The following PARP14 variants were observed in gnomAD, a reference collection of about 807,000 sequenced individuals.
PARP14 encodes the protein protein mono-ADP-ribosyltransferase PARP14.
A neutral mutation model predicts 154.2 loss-of-function variants in PARP14; 59 were observed. The ratio of observed to expected loss-of-function variants is 0.38; its 90% CI spans 0.31 to 0.48. The LOEUF (loss-of-function observed/expected upper bound fraction) is 0.48. PARP14 is among the 20% of genes least tolerant of loss of function. PARP14 has a pLI of 0.98. For missense variants in PARP14, 1,734 were observed against 2,131.6 expected, an observed-to-expected ratio of 0.81 and a Z score of 3.67; for synonymous variants, 720 against 780.5, an observed-to-expected ratio of 0.92 and a Z score of 1.29.
At chr3:122,709,820 T>C (rs1237434853) in intron 9 of PARP14, among the ~76,000 whole-genome samples, 3 of 152,224 alleles carry the variant, frequency 2.0e-5, no homozygotes, top group Admixed American at 2.0e-4. Flanking sequence ...CTTATGTTTG[T>C]TGGCTGTTTG....
chr3:122,681,309 C>T lies in PARP14; in HGVS notation c.187+239C>T, dbSNP rs774149055. Reference sequence around the variant, plus strand: ...TAATGGCGCGGCCCGGAGGTGGCGGCGGAACCGCGCAAGTAACTCTTTATC... The same window carrying T: ...TAATGGCGCGGCCCGGAGGTGGCGGTGGAACCGCGCAAGTAACTCTTTATC... On this transcript the variant is annotated intron_variant, in intron 1 of 16. Coordinates refer to ENST00000474629, the MANE Select transcript of PARP14 (RefSeq NM_017554.3). This position sits in a 1 kb window ranked among gnomAD's most constrained non-coding sequence, Gnocchi z 5.5. 5.3e-5 allele frequency among the ~76,000 whole-genome samples: 8 copies of T among 152,226 alleles called. No individual in the cohort carries two copies. Among genetic ancestry groups the T allele is most frequent in the Non-Finnish European group, 1.0e-4 (7 of 68,032 alleles).
intron 9 of PARP14, among the ~76,000 whole-genome samples, chr3:122,710,445 T>G (rs1939288134): frequency 1.3e-5 from 2 of 152,196 alleles, no homozygotes; most frequent in African/African-American, 4.8e-5. Context: ...TACCTTGCTG[T>G]TTTGGTAACT....
At chr3:122,682,839 TGAG>T (rs941522619) in intron 1 of PARP14, among the ~76,000 whole-genome samples, 5 of 152,030 alleles carry the variant, frequency 3.3e-5, no homozygotes, top group Non-Finnish European at 5.9e-5. Flanking sequence ...GATGACGAGT[TGAG>T]GAGATCGAGA....
chr3:122,686,835 T>G, intron 2 of PARP14: 1 of 465,748 alleles, frequency 2.1e-6, no homozygotes, highest in East Asian at 3.6e-5. Flanking sequence ...GTACCTCATA[T>G]TCCCAAATGC....
At position 122,718,209 on chromosome 3, in the gene PARP14, A is replaced by C. The variant is rs748915037; in HGVS notation, c.4139A>C (p.Tyr1380Ser). The part of the protein sequence containing the change: ...IFLPQVLDVF[Y>S]ANMKKREGTQ... ...CTGCCTCAAGTACTGGATGTGTTTTATGCCAACATGAAGAAAAGAGAAGGG... is the reference window on the plus strand; with the variant it reads ...CTGCCTCAAGTACTGGATGTGTTTTCTGCCAACATGAAGAAAAGAGAAGGG... Residue 1380 changes from tyrosine to serine, a missense_variant, in exon 13 of 17, where the codon TAT becomes TCT. Physicochemically the swap from Tyr to Ser is moderately radical, Grantham distance 144. Transcript: ENST00000474629. 2 of 1,613,726 alleles carry C rather than the reference A, an allele frequency of 1.2e-6. No homozygotes were observed. The highest frequency in any genetic ancestry group is 4.5e-5 in the East Asian group (2 of 44,868).
At chr3:122,720,123 G>C in intron 14 of PARP14, 132 bp from the exon 15 acceptor site, 2 of 870,592 alleles carry the variant, frequency 2.3e-6, no homozygotes, top group Middle Eastern at 5.6e-4. Context: ...GCTTTGAAAA[G>C]CGTTCTCCTA....
intron 12 of PARP14, among the ~76,000 whole-genome samples, chr3:122,716,762 C>A (rs780193763): frequency 2.1e-4 from 32 of 152,192 alleles, no homozygotes; most frequent in Non-Finnish European, 1.5e-4. Flanking sequence ...TTCCTCCATA[C>A]CCCTCCAGAC....
Position 122,685,569 on chromosome 3 carries a change from G to A in PARP14, c.321+251G>A, listed in dbSNP as rs1371063483. On this transcript the variant is annotated intron_variant, in intron 2 of 16. Coordinates refer to ENST00000474629, the MANE Select transcript of PARP14 (RefSeq NM_017554.3). ...CTGTCAACCAGGCTGGAGTACAGTG[G>A]TATAATCTTGGCTCACTGCAACCTC... Among the ~76,000 whole-genome samples, 4 of 151,480 alleles carry A rather than the reference G, an allele frequency of 2.6e-5. No individual in the cohort carries two copies. In the East Asian group the frequency reaches 5.8e-4, roughly 22 times the overall value.
intron 2 of PARP14, among the ~76,000 whole-genome samples, chr3:122,685,670 C>T (rs1938351936): frequency 6.6e-6 from 1 of 151,970 alleles, no homozygotes; most frequent in Admixed American, 6.6e-5. Context: ...CCACTATGCC[C>T]AGATAATTTT....
chr3:122,685,537 T>G (rs1576579071), intron 2 of PARP14, among the ~76,000 whole-genome samples: 2 of 144,622 alleles, frequency 1.4e-5, no homozygotes, highest in Admixed American at 7.0e-5. Flanking sequence ...TGAGACGGAG[T>G]CTCGCTCTGT....
Position 122,718,062 on chromosome 3 carries a change from C to G in PARP14, c.4001-9C>G. The G allele has an allele frequency of 6.2e-7, 1 of 1,612,018 alleles. No homozygotes were observed. The highest frequency in any genetic ancestry group is 8.5e-7 in the Non-Finnish European group (1 of 1,178,492). On this transcript the variant is annotated splice_polypyrimidine_tract_variant and intron_variant, in intron 12 of 16. Coordinates refer to ENST00000474629, the MANE Select transcript of PARP14 (RefSeq NM_017554.3). ...TGTCCTTCAGCAATTTTATTATTTG[C>G]TTTTCCAGGAAATGCCAAACAACAC...
chr3:122,693,842 G>GAAAA (rs5852310), intron 4 of PARP14, among the ~76,000 whole-genome samples: 6 of 135,666 alleles, frequency 4.4e-5, no homozygotes, highest in Admixed American at 1.5e-4. Flanking sequence ...CCCCGTGTCT[G>GAAAA]AAAAAAAAAA....
chr3:122,727,425 G>A (rs1933314483), intron 15 of PARP14, among the ~76,000 whole-genome samples: 1 of 152,186 alleles, frequency 6.6e-6, no homozygotes, highest in South Asian at 2.1e-4. Flanking sequence ...AGGTCAACCA[G>A]TATCCCAGAA....
intron 3 of PARP14, among the ~76,000 whole-genome samples, chr3:122,692,076 T>G (rs1938558642): frequency 6.6e-6 from 1 of 152,144 alleles, no homozygotes; most frequent in Non-Finnish European, 1.5e-5. Flanking sequence ...ACAGACCTAT[T>G]TTGTCAAAAT....
chr3:122,718,958 G>T lies in PARP14; in HGVS notation c.4807G>T (p.Val1603Phe), dbSNP rs1933077729. 2 of 1,565,042 alleles carry T rather than the reference G, an allele frequency of 1.3e-6. No homozygotes were observed. Among genetic ancestry groups the T allele is most frequent in the South Asian group, 1.2e-5 (1 of 83,410 alleles). Reference sequence around the variant, plus strand: ...TGTTCAGCGCCTCACGAAATCCAAAGGTGAGTTAAACATTCATACTTGTCA... The same window carrying T: ...TGTTCAGCGCCTCACGAAATCCAAATGTGAGTTAAACATTCATACTTGTCA... ...LSVQRLTKSK[V>F]DIPAHWSDMK... The change falls in exon 14 of 17, where the codon GTT becomes TTT. Residue 1603 changes from valine to phenylalanine, a missense_variant and splice_region_variant. By Grantham distance (50) the Val-to-Phe change is conservative. Coordinates refer to ENST00000474629, the MANE Select transcript of PARP14 (RefSeq NM_017554.3).
At chr3:122,696,134 G>C (rs1356249861) in intron 5 of PARP14, among the ~76,000 whole-genome samples, 1 of 152,180 alleles carries the variant, frequency 6.6e-6, no homozygotes, top group Non-Finnish European at 1.5e-5. Context: ...ATGCCTGCTG[G>C]ACTATTGTTT....
chr3:122,725,371 C>T (rs535389789), intron 15 of PARP14, among the ~76,000 whole-genome samples: 21 of 150,964 alleles, frequency 1.4e-4, no homozygotes, highest in African/African-American at 1.9e-4. Context: ...ACCTCCCAGA[C>T]GGGGCAGCGG....
At chr3:122,723,029 G>A (rs941178431) in intron 15 of PARP14, among the ~76,000 whole-genome samples, 5 of 151,658 alleles carry the variant, frequency 3.3e-5, no homozygotes, top group South Asian at 2.1e-4. Flanking sequence ...TCCGCCTACC[G>A]GTTGCAAGCG....
chr3:122,680,845 G>A lies in PARP14; in HGVS notation c.-39G>A. On this transcript the variant is annotated 5_prime_UTR_variant, in exon 1 of 17. Transcript: ENST00000474629. The stretch of plus-strand genomic sequence containing the variant: ...GAGTCAAAGTTAGCGGCCCGGAGTT[G>A]GCGCGGCCCCTGCAGTCCGGCGGAG... The A allele has an allele frequency of 2.6e-6, 4 of 1,531,432 alleles. No homozygotes were observed. Among genetic ancestry groups the A allele is most frequent in the Non-Finnish European group, 3.6e-6 (4 of 1,123,148 alleles). 94.9% of individuals were successfully genotyped at this position (1,531,432 alleles called of 1,614,324 possible).
Sources: gnomAD v4.1 joint callset for allele counts (sites outside exome capture counted in the v4.1 genomes callset) on GRCh38, gnomAD v4.1.1 for gene constraint, Gnocchi (gnomAD v3.1) non-coding constraint, MANE v1.5 for transcripts, NCBI Gene and HGNC (gene_info 2026-07-23, HGNC 2026-07-21) for gene names.